Variants in MYT1 observed in about 807,000 individuals in gnomAD.
The protein encoded by MYT1 is myelin transcription factor I.
MYT1 carries 23 observed loss-of-function variants against 123.0 expected under a neutral mutation model. The observed-to-expected ratio is 0.19, with a 90% CI of 0.13 to 0.26. The LOEUF (loss-of-function observed/expected upper bound fraction) is 0.26, where lower values mean the gene tolerates loss of function less well. Ranked by LOEUF, MYT1 falls within the 10% of genes least tolerant of loss-of-function variation. MYT1 has a pLI of 1.00. For synonymous variants in MYT1, 518 were observed against 575.3 expected (o/e 0.90, Z 1.43); for missense variants, 1,125 against 1,472.5 (o/e 0.76, Z 3.86).
chr20:64,228,233 G>A lies in MYT1; in HGVS notation c.2675+262G>A. ...TGGGCTTTTCAGGTCTGGAGTATTT[G>A]ACGGGGCTGGGAGAGGCAGAGCACC... On this transcript the variant is annotated intron_variant, in intron 18 of 22. Coordinates refer to ENST00000328439, the MANE Select transcript of MYT1 (RefSeq NM_004535.3). 3 of 506,468 alleles carry A rather than the reference G, an allele frequency of 5.9e-6. No individual in the cohort carries two copies. In the East Asian group the frequency reaches 1.0e-4, roughly 17 times the overall value. 31.4% of individuals were successfully genotyped at this position (506,468 alleles called of 1,614,324 possible).
At chr20:64,227,246 C>A (rs1002944924) in intron 16 of MYT1, among the ~76,000 whole-genome samples, 169 bp from the exon 17 acceptor site, 11 of 152,366 alleles carry the variant, frequency 7.2e-5, no homozygotes, top group African/African-American at 2.6e-4. Flanking sequence ...CTGTTGCTGG[C>A]AGTCGGCAGC....
At chr20:64,228,909 G>A (rs1420607685) in intron 18 of MYT1, among the ~76,000 whole-genome samples, 2 of 152,190 alleles carry the variant, frequency 1.3e-5, no homozygotes, top group East Asian at 1.9e-4. Flanking sequence ...TACTATGCCC[G>A]CAGGAAGCAG....
intron 2 of MYT1, among the ~76,000 whole-genome samples, chr20:64,194,978 C>T (rs915300539): frequency 1.3e-5 from 2 of 152,124 alleles, no homozygotes; most frequent in African/African-American, 2.4e-5. Context: ...TCACCTCAAC[C>T]TTTGCCTCGG....
rs903928071 is a variant in MYT1 at position 64,211,457 on chromosome 20, T to C, written c.1426+117T>C. 3.7e-6 allele frequency: 4 copies of C among 1,083,764 alleles called. No homozygotes were observed. The African/African-American group carries it at 6.3e-5, about 17-fold the overall frequency. The allele number at this position is 1,083,764 out of a possible 1,614,324, so 67.1% of individuals were successfully genotyped here. On this transcript the variant is annotated intron_variant, in intron 8 of 22. Transcript: ENST00000328439. ...CCAGGGCCATAACCTTCCCCTTTGG[T>C]TTGTCCAGATGCTCATCCTTACATC...
rs1187727100 is a variant in MYT1, at chr20:64,190,591, G to A, written c.-1+431G>A. Among the ~76,000 whole-genome samples, 3 of 149,444 alleles carry A rather than the reference G, an allele frequency of 2.0e-5. No homozygotes were observed. The East Asian group carries it at 6.0e-4, about 30-fold the overall frequency. ...TGGGGGAGGATCCCAGCTAAGGTGG[G>A]AGGATCACTTGAGCCTGGGAAGTCA... On this transcript the variant is annotated intron_variant, in intron 2 of 22. Coordinates refer to ENST00000328439, the MANE Select transcript of MYT1 (RefSeq NM_004535.3). The surrounding 1 kb of genome is among the most constrained non-coding windows in gnomAD (Gnocchi z 4.1).
At chr20:64,240,282 G>C in intron 22 of MYT1, 38 bp from the exon 23 acceptor site, 1 of 1,604,548 alleles carries the variant, frequency 6.2e-7, no homozygotes, top group Non-Finnish European at 8.5e-7. Context: ...GGGGCCCACT[G>C]CATGGACGGA....
In MYT1 at chr20:64,212,039, C is replaced by G; in HGVS notation, c.1427-9C>G. ...GCCTCGGCTCCCTCCACCCCCTGTT[C>G]TCTTACAGTCTTAGCCATGCATGAG... On this transcript the variant is annotated splice_polypyrimidine_tract_variant and intron_variant, in intron 8 of 22. Coordinates refer to ENST00000328439, the MANE Select transcript of MYT1 (RefSeq NM_004535.3). The surrounding 1 kb of genome is among the most constrained non-coding windows in gnomAD (Gnocchi z 6.8). The G allele has an allele frequency of 6.2e-7, 1 of 1,612,236 alleles. No homozygotes were observed. The highest frequency in any genetic ancestry group is 8.5e-7 in the Non-Finnish European group (1 of 1,178,562).
At chr20:64,194,441 C>A in intron 2 of MYT1, among the ~76,000 whole-genome samples, 1 of 152,244 alleles carries the variant, frequency 6.6e-6, no homozygotes, top group Non-Finnish European at 1.5e-5. Flanking sequence ...GGGTGATGTA[C>A]AAATCTTGGA....
intron 7 of MYT1, among the ~76,000 whole-genome samples, chr20:64,209,327 C>CA (rs1983594479): frequency 6.6e-6 from 1 of 152,216 alleles, no homozygotes; most frequent in Non-Finnish European, 1.5e-5. Context: ...TGGCCAGGGG[C>CA]TGCTCCCTCA....
rs1983550689 is a variant in MYT1, at chr20:64,208,092, A to G, written c.896A>G (p.Glu299Gly). Residue 299 changes from glutamate to glycine, a missense_variant, in exon 7 of 23, where the codon GAA becomes GGA. Physicochemically the swap from Glu to Gly is moderately conservative, Grantham distance 98 (BLOSUM62 -2). Transcript: ENST00000328439. The surrounding 1 kb of genome is among the most constrained non-coding windows in gnomAD (Gnocchi z 5.4). ...GAAGAGGAAGAGGAGGAGGAAGAGG[A>G]AGAGGAAGAGGAGGAGGAGGAGGCA... ...EEEEEEEEEE[E>G]EEEEEEEAAP... The G allele has an allele frequency of 1.2e-6, 2 of 1,609,612 alleles. No individual in the cohort carries two copies. The highest frequency in any genetic ancestry group is 1.7e-6 in the Non-Finnish European group (2 of 1,178,254).
At chr20:64,204,620 A>G (rs1983426243) in intron 4 of MYT1, among the ~76,000 whole-genome samples, 1 of 152,226 alleles carries the variant, frequency 6.6e-6, no homozygotes, top group Admixed American at 6.5e-5. Context: ...CTCGAGGGCC[A>G]TAGGCCTTAT....
intron 14 of MYT1, 89 bp downstream of exon 14, chr20:64,222,136 G>A: frequency 6.8e-7 from 1 of 1,474,596 alleles, no homozygotes. Context: ...TGACGACCGG[G>A]TCTGCTCAGG....
chr20:64,170,824 C>T (rs1320529075), intron 1 of MYT1, among the ~76,000 whole-genome samples: 1 of 122,168 alleles, frequency 8.2e-6, no homozygotes, highest in East Asian at 2.4e-4. Flanking sequence ...ATTCTCTCCC[C>T]ATGACACAGA....
intron 1 of MYT1, among the ~76,000 whole-genome samples, chr20:64,169,097 C>T (rs759069051): frequency 6.6e-6 from 1 of 152,198 alleles, no homozygotes; most frequent in African/African-American, 2.4e-5. Context: ...GCGGTTGGAG[C>T]CTCTCACCTG....
chr20:64,229,965 GC>G (rs1984273201), intron 18 of MYT1, among the ~76,000 whole-genome samples: 1 of 152,056 alleles, frequency 6.6e-6, no homozygotes, highest in South Asian at 2.1e-4. Flanking sequence ...CACGGCTTCT[GC>G]CCCCCAACAC....
chr20:64,187,148 C>T (rs532903166), intron 1 of MYT1, among the ~76,000 whole-genome samples: 23 of 142,360 alleles, frequency 1.6e-4, no homozygotes, highest in Admixed American at 4.2e-4. Context: ...TCCACGTTTC[C>T]GTGGAGAGTT....
chr20:64,208,033 G>A lies in MYT1; in HGVS notation c.837G>A (p.Glu279=). The change falls in exon 7 of 23, where the codon GAG becomes GAA. Residue 279 remains glutamate, a synonymous_variant. Coordinates refer to ENST00000328439, the MANE Select transcript of MYT1 (RefSeq NM_004535.3). The surrounding 1 kb of genome is among the most constrained non-coding windows in gnomAD (Gnocchi z 5.4). ...EEEEEDEEEE[E]EEEEEEEEEE... ...AGGAGGAGGATGAAGAAGAGGAAGAGGAAGAGGAGGAGGAAGAGGAAGAGG... is the reference window on the plus strand; with the variant it reads ...AGGAGGAGGATGAAGAAGAGGAAGAAGAAGAGGAGGAGGAAGAGGAAGAGG... The A allele has an allele frequency of 3.7e-6, 6 of 1,600,878 alleles. No homozygotes were observed. The highest frequency in any genetic ancestry group is 5.1e-6 in the Non-Finnish European group (6 of 1,174,144).
At chr20:64,204,899 T>G (rs2145714287) in intron 4 of MYT1, 136 bp from the exon 5 acceptor site, 2 of 778,926 alleles carry the variant, frequency 2.6e-6, no homozygotes, top group East Asian at 5.1e-5. Context: ...GAGTTATTAA[T>G]TTTCAGCAAA....
intron 6 of MYT1, 69 bp downstream of exon 6, chr20:64,205,869 A>G: frequency 6.3e-7 from 1 of 1,575,628 alleles, no homozygotes; most frequent in Non-Finnish European, 8.6e-7. Context: ...GCAGCCTGTG[A>G]GCGGGGAGGG....
Sources: gnomAD v4.1 joint callset for allele counts (sites outside exome capture counted in the v4.1 genomes callset) on GRCh38, gnomAD v4.1.1 for gene constraint, Gnocchi (gnomAD v3.1) non-coding constraint, MANE v1.5 for transcripts, NCBI Gene and HGNC (gene_info 2026-07-23, HGNC 2026-07-21) for gene names.